MYH10: variants seen among roughly 807,000 people sequenced by gnomAD.
MYH10 encodes myosin-10.
MYH10 carries 55 observed loss-of-function variants against 257.8 expected under a neutral mutation model. The observed-to-expected ratio is 0.21, with a 90% CI of 0.17 to 0.27. The LOEUF is 0.27. MYH10 is among the 10% of genes least tolerant of loss of function. The pLI, the probability that MYH10 is intolerant of heterozygous loss-of-function variation, is 1.00. For synonymous variants in MYH10, 854 were observed against 921.7 expected, an observed-to-expected ratio of 0.93 and a Z score of 1.33; for missense variants, 1,631 against 2,500.6, an observed-to-expected ratio of 0.65 and a Z score of 7.42.
rs1432812085 is a variant in MYH10, at chr17:8,505,732, G to A, written c.3386+586C>T. On this transcript the variant is annotated intron_variant, in intron 27 of 42. Transcript: ENST00000360416. ...GAGGTGGCTCACGCCTGTAATCCCA[G>A]CACTTTGGGAGGCCAAGTCAGGTGG... Among the ~76,000 whole-genome samples, 5 of 152,326 alleles carry A rather than the reference G, an allele frequency of 3.3e-5. No homozygotes were observed. The East Asian group carries it at 5.8e-4, about 18-fold the overall frequency.
intron 28 of MYH10, among the ~76,000 whole-genome samples, chr17:8,502,480 T>TGTGTGTGTG (rs2080925993): frequency 6.7e-6 from 1 of 150,142 alleles, no homozygotes; most frequent in Admixed American, 6.6e-5. Context: ...GGGAAAATAG[T>TGTGTGTGTG]TGTGTGTGTG....
intron 11 of MYH10, 129 bp downstream of exon 11, chr17:8,548,184 T>C: frequency 4.8e-6 from 3 of 624,256 alleles, no homozygotes; most frequent in Non-Finnish European, 8.3e-6. Context: ...AAATACACGA[T>C]GTTGTCACTC....
rs201117056 is a variant in MYH10 at position 8,492,940 on chromosome 17, C to T, written c.4294G>A (p.Ala1432Thr). The T allele has an allele frequency of 1.4e-5, 22 of 1,614,030 alleles. No individual in the cohort carries two copies. In the African/African-American group the frequency reaches 1.6e-4, roughly 12 times the overall value. The change falls in exon 33 of 43, where the codon GCG (alanine) becomes ACG (threonine). Residue 1432 changes from alanine (A) to threonine (T), a missense_variant. This residue lies in a region of MYH10 where 463 missense variants were observed against 621.8 expected (regional missense o/e 0.74). Transcript: ENST00000360416. Reference sequence around the variant, plus strand: ...TCCAGGCGCTGGCTCAGGGCCTCCGCGTCCTTCAGAAGCTTCTTCTTGGCT... The same window carrying T: ...TCCAGGCGCTGGCTCAGGGCCTCCGTGTCCTTCAGAAGCTTCTTCTTGGCT... The part of the protein sequence containing the change: ...EEAKKKLLKD[A>T]EALSQRLEEK...
chr17:8,584,430 C>T (rs1383702877), intron 4 of MYH10, among the ~76,000 whole-genome samples: 1 of 152,084 alleles, frequency 6.6e-6, no homozygotes, highest in Non-Finnish European at 1.5e-5. Context: ...TGCCTTGGGC[C>T]TTTTTTACAA....
chr17:8,516,030 A>T (rs1460444402), intron 21 of MYH10, among the ~76,000 whole-genome samples: 1 of 152,224 alleles, frequency 6.6e-6, no homozygotes, highest in African/African-American at 2.4e-5. Context: ...TCTGGGAGAT[A>T]AAACTGTCAA....
chr17:8,513,494 A>T, intron 23 of MYH10, 44 bp downstream of exon 23: 1 of 1,609,830 alleles, frequency 6.2e-7, no homozygotes, highest in Non-Finnish European at 8.5e-7. Context: ...AAGATCTCAT[A>T]GGGATTCAGG....
At chr17:8,547,835 T>C (rs1167027313) in intron 11 of MYH10, among the ~76,000 whole-genome samples, 3 of 147,976 alleles carry the variant, frequency 2.0e-5, no homozygotes, top group African/African-American at 7.4e-5. Flanking sequence ...ATTATATATA[T>C]ATATTTGGGT....
chr17:8,543,443 C>G (rs570759821), intron 13 of MYH10, among the ~76,000 whole-genome samples: 1 of 151,360 alleles, frequency 6.6e-6, no homozygotes, highest in Non-Finnish European at 1.5e-5. Context: ...ATGATGACAT[C>G]CTATTGCTCT....
In MYH10 at chr17:8,542,277, T is replaced by A. The variant is rs1345183700; in HGVS notation, c.1435A>T (p.Asn479Tyr). 6.2e-7 allele frequency: 1 copy of A among 1,612,324 alleles called. No individual in the cohort carries two copies. Among genetic ancestry groups the A allele is most frequent in the Admixed American group, 1.7e-5 (1 of 59,926 alleles). Residue 479 changes from asparagine to tyrosine, a missense_variant, in exon 14 of 43, where the codon AAC (asparagine) becomes TAC (tyrosine). Physicochemically the swap from Asn to Tyr is moderately radical, Grantham distance 143 (BLOSUM62 -2). Coordinates refer to ENST00000360416, the MANE Select transcript of MYH10 (RefSeq NM_001256012.3). ...DIAGFEIFELNSFEQLCINYT... is the reference protein window; with the variant it reads ...DIAGFEIFELYSFEQLCINYT... ...TTGATGCAAAGTTGTTCAAAGGAGT[T>A]CAGCTACAAATGTCAAAGGGTAATT...
At chr17:8,480,895 G>A (rs1913636513) in intron 38 of MYH10, among the ~76,000 whole-genome samples, 1 of 32,956 alleles carries the variant, frequency 3.0e-5, no homozygotes, top group Admixed American at 3.3e-4. Flanking sequence ...AATGCACTGA[G>A]AATCAAATTC....
intron 27 of MYH10, among the ~76,000 whole-genome samples, chr17:8,505,169 G>GC (rs1283741088): frequency 1.3e-5 from 2 of 152,216 alleles, no homozygotes; most frequent in African/African-American, 4.8e-5. Flanking sequence ...AAACGACCAT[G>GC]CTTCTCCATT....
At chr17:8,481,282 C>G in intron 38 of MYH10, 40 bp downstream of exon 38, 1 of 1,598,702 alleles carries the variant, frequency 6.3e-7, no homozygotes, top group Non-Finnish European at 8.6e-7. Context: ...GTGCGCGTGC[C>G]TGAGGGCGAA....
In MYH10 at chr17:8,506,806, T is replaced by C. The variant is rs968331843; in HGVS notation, c.3215-317A>G. Among the ~76,000 whole-genome samples, 4 of 152,180 alleles carry C rather than the reference T, an allele frequency of 2.6e-5. No individual in the cohort carries two copies. The highest frequency in any genetic ancestry group is 2.0e-4 in the Admixed American group (3 of 15,282). On this transcript the variant is annotated intron_variant, in intron 26 of 42. Coordinates refer to ENST00000360416, the MANE Select transcript of MYH10 (RefSeq NM_001256012.3). The surrounding 1 kb of genome is among the most constrained non-coding windows in gnomAD (Gnocchi z 5.0). ...AATCCTCTCATGTCAAACACATCAC[T>C]GTACCCAGGTTTGCAAAGTGGCTCA...
intron 3 of MYH10, among the ~76,000 whole-genome samples, chr17:8,595,422 G>GTTT (rs1164524057): frequency 9.8e-5 from 6 of 61,168 alleles, no homozygotes; most frequent in African/African-American, 3.5e-4. Flanking sequence ...AGTAAGAACA[G>GTTT]TTCTTTTTTT....
chr17:8,599,907 G>A (rs995304815), intron 3 of MYH10, among the ~76,000 whole-genome samples: 1 of 152,194 alleles, frequency 6.6e-6, no homozygotes, highest in Non-Finnish European at 1.5e-5. Flanking sequence ...TCTAGCTGGG[G>A]CAGTTTCTCT....
At chr17:8,539,211 C>T (rs577672740) in intron 14 of MYH10, among the ~76,000 whole-genome samples, 5 of 152,322 alleles carry the variant, frequency 3.3e-5, no homozygotes, top group South Asian at 4.1e-4. Context: ...ATTACTCCAT[C>T]TTACTTATTC....
intron 2 of MYH10, among the ~76,000 whole-genome samples, chr17:8,618,451 C>A (rs2085347101): frequency 6.6e-6 from 1 of 152,110 alleles, no homozygotes; most frequent in Non-Finnish European, 1.5e-5. Context: ...GTTGGTCAGG[C>A]TGGTCTCGAA....
intron 25 of MYH10, 57 bp from the exon 26 acceptor site, chr17:8,508,734 C>T: frequency 6.3e-7 from 1 of 1,599,408 alleles, no homozygotes; most frequent in African/African-American, 1.3e-5. Flanking sequence ...CACTTGGGTT[C>T]TGTATTCCTC....
At chr17:8,531,938 C>A (rs1187368063) in intron 16 of MYH10, among the ~76,000 whole-genome samples, 3 of 152,306 alleles carry the variant, frequency 2.0e-5, no homozygotes, top group Non-Finnish European at 4.4e-5. Flanking sequence ...ACCTTAGAAC[C>A]CTCTTTAACC....
Sources: allele counts gnomAD v4.1 joint callset (sites outside exome capture counted in the v4.1 genomes callset), GRCh38; gene constraint gnomAD v4.1.1; regional missense constraint gnomAD v4.1.1; non-coding constraint Gnocchi (gnomAD v3.1); transcripts MANE v1.5; gene names NCBI Gene and HGNC (gene_info 2026-07-23, HGNC 2026-07-21).